Variants in MS4A6A observed in about 807,000 individuals in gnomAD.
MS4A6A encodes the protein membrane spanning 4-domains A6A.
Under a neutral mutation model 20.6 loss-of-function variants are expected in MS4A6A, and 19 were observed. The observed-to-expected ratio is 0.92, with a 90% CI of 0.64 to 1.36. The LOEUF (loss-of-function observed/expected upper bound fraction) is 1.36. Ranked by LOEUF, MS4A6A falls within the 40% of genes most tolerant of loss-of-function variation. The probability of loss-of-function intolerance (pLI) is 0.00; values close to 1 mark genes in which losing one functional copy is unlikely to be tolerated. For missense variants in MS4A6A, 272 were observed against 261.1 expected, an observed-to-expected ratio of 1.04 and a Z score of -0.29; for synonymous variants, 108 against 105.0, an observed-to-expected ratio of 1.03 and a Z score of -0.17.
upstream of MS4A6A, chr11:60,183,326 T>G (rs1306076541): frequency 1.4e-6 from 1 of 692,170 alleles, no homozygotes; most frequent in Non-Finnish European, 2.4e-6. Flanking sequence ...GCTTCAGTTT[T>G]CTAATCTGTT....
chr11:60,180,989 G>A (rs1590683115), intron 2 of MS4A6A: 1 of 451,920 alleles, frequency 2.2e-6, no homozygotes. Context: ...GATCACATAA[G>A]TGCAGAGGCA....
chr11:60,179,005 G>A (rs906299965), intron 3 of MS4A6A, among the ~76,000 whole-genome samples: 8 of 152,166 alleles, frequency 5.3e-5, no homozygotes, highest in Non-Finnish European at 1.2e-4. Flanking sequence ...TAGTAGCTTG[G>A]CATGGATCTT....
rs1857038006 is a variant in MS4A6A at position 60,179,833 on chromosome 11, A to C, written c.280T>G (p.Phe94Val). ...NSAYPFIGPF[F>V]FIISGSLSIA... ...CCCTCCTCAGAAACTCTACTCACAAAAAAGGGTCCTATGAATGGGTAAGCA... is the reference window on the plus strand; with the variant it reads ...CCCTCCTCAGAAACTCTACTCACAACAAAGGGTCCTATGAATGGGTAAGCA... The change falls in exon 3 of 6, where the codon TTT (phenylalanine) becomes GTT (valine). Residue 94 changes from phenylalanine to valine, a missense_variant and splice_region_variant. Coordinates refer to ENST00000528851, the MANE Select transcript of MS4A6A (RefSeq NM_022349.4). The C allele has an allele frequency of 6.2e-7, 1 of 1,614,108 alleles. No individual in the cohort carries two copies. The highest frequency in any genetic ancestry group is 8.5e-7 in the Non-Finnish European group (1 of 1,180,024).
chr11:60,172,494 G>A, downstream of MS4A6A: 1 of 1,223,538 alleles, frequency 8.2e-7, no homozygotes, highest in South Asian at 2.8e-5. Flanking sequence ...AAGTCCATAG[G>A]GGTTTGATTC....
intron 1 of MS4A6A, among the ~76,000 whole-genome samples, chr11:60,182,050 C>T (rs1274247111): frequency 2.6e-5 from 4 of 152,182 alleles, no homozygotes; most frequent in South Asian, 2.1e-4. Context: ...CCTCCCTTTC[C>T]TCTAGTCCTA....
chr11:60,172,826 A>C lies in MS4A6A; in HGVS notation c.*175T>G, dbSNP rs763181108. On this transcript the variant is annotated 3_prime_UTR_variant, in exon 6 of 6. Transcript: ENST00000528851. The stretch of plus-strand genomic sequence containing the variant: ...TGATTTCTCATGATTAACTATTTTC[A>C]TATCCAGTGAATTTTCAGCTTATCA... 2.2e-5 allele frequency: 31 copies of C among 1,402,328 alleles called. No individual in the cohort carries two copies. The highest frequency in any genetic ancestry group is 2.7e-5 in the Non-Finnish European group (29 of 1,074,878). The allele number at this position is 1,402,328 out of a possible 1,614,324, so 86.9% of individuals were successfully genotyped here. A position where few individuals can be genotyped will look rare whatever the true frequency, so the allele number is the denominator to read the frequency against.
intron 1 of MS4A6A, among the ~76,000 whole-genome samples, chr11:60,181,963 G>C (rs776948932): frequency 1.2e-4 from 19 of 152,106 alleles, no homozygotes; most frequent in Non-Finnish European, 2.5e-4. Flanking sequence ...CACATCACAG[G>C]GTGGCAGCAA....
intron 2 of MS4A6A, chr11:60,180,620 A>G (rs1207699364): frequency 6.1e-6 from 1 of 164,950 alleles, no homozygotes; most frequent in African/African-American, 2.4e-5. Context: ...TCCATTAGTT[A>G]TTTTTCCTGA....
chr11:60,180,615 T>C (rs935277204), intron 2 of MS4A6A: 5 of 165,508 alleles, frequency 3.0e-5, no homozygotes, highest in Admixed American at 3.0e-4. Flanking sequence ...TAGTATCCAT[T>C]AGTTATTTTT....
chr11:60,177,406 A>G (rs1856895473), intron 4 of MS4A6A: 1 of 152,184 alleles, frequency 6.6e-6, no homozygotes, highest in African/African-American at 2.4e-5. Flanking sequence ...ATAATCTCCA[A>G]CATCAACCCC....
intron 4 of MS4A6A, among the ~76,000 whole-genome samples, chr11:60,177,610 A>G (rs1856910605): frequency 6.6e-6 from 1 of 152,146 alleles, no homozygotes; most frequent in East Asian, 1.9e-4. Context: ...ATGACTAAGG[A>G]CAACTTTTTA....
At chr11:60,181,375 T>C (rs1320875541) in intron 2 of MS4A6A, 2 of 591,166 alleles carry the variant, frequency 3.4e-6, no homozygotes, top group Admixed American at 3.1e-5. Flanking sequence ...CAATTCCTCA[T>C]ATTCAGAATA....
At chr11:60,172,120 A>C, downstream of MS4A6A, 5 of 1,587,236 alleles carry the variant, frequency 3.2e-6, no homozygotes, top group Non-Finnish European at 4.3e-6. Flanking sequence ...ATATTATCAT[A>C]AGAATCAACT....
chr11:60,176,389 C>A (rs1213320109), intron 4 of MS4A6A, among the ~76,000 whole-genome samples: 1 of 152,174 alleles, frequency 6.6e-6, no homozygotes, highest in Non-Finnish European at 1.5e-5. Context: ...CTTGGGTAAT[C>A]AGTTCCTTGA....
chr11:60,172,624 T>A lies in MS4A6A; in HGVS notation c.*377A>T. 8.8e-7 allele frequency: 1 copy of A among 1,136,846 alleles called. No individual in the cohort carries two copies. The highest frequency in any genetic ancestry group is 1.1e-6 in the Non-Finnish European group (1 of 920,756). 70.4% of individuals were successfully genotyped at this position (1,136,846 alleles called of 1,614,324 possible). On this transcript the variant is annotated 3_prime_UTR_variant, in exon 6 of 6. Transcript: ENST00000528851. ...ACGTGTGTAAATGCCCTTTACCAAG[T>A]CAATACTATTAAAGAGACTAGTGGT...
intron 4 of MS4A6A, among the ~76,000 whole-genome samples, chr11:60,176,383 G>A (rs953311728): frequency 6.6e-6 from 1 of 152,116 alleles, no homozygotes; most frequent in Non-Finnish European, 1.5e-5. Context: ...TATTCCCTTG[G>A]GTAATCAGTT....
In MS4A6A at chr11:60,175,412, G is replaced by A. The variant is rs567739603; in HGVS notation, c.539C>T (p.Ala180Val). The A allele has an allele frequency of 6.2e-7, 1 of 1,611,384 alleles. No homozygotes were observed. Residue 180 changes from alanine to valine, a missense_variant, in exon 5 of 6, where the codon GCC (alanine) becomes GTC (valine). Coordinates refer to ENST00000528851, the MANE Select transcript of MS4A6A (RefSeq NM_022349.4). The part of the protein sequence containing the change: ...LYTTDCYTAK[A>V]SLAGTLSLML... ...TCTAAAAATACTTACAGCCAGACTG[G>A]CTTTGGCTGTATAGCAGTCCGTGGT...
intron 4 of MS4A6A, among the ~76,000 whole-genome samples, chr11:60,175,959 C>T (rs535193058): frequency 9.2e-5 from 14 of 152,274 alleles, no homozygotes; most frequent in South Asian, 8.3e-4. Context: ...AAGGTGGCAA[C>T]GTACCAGATG....
Position 60,173,106 on chromosome 11 carries a change from A to G in MS4A6A, c.573T>C (p.Ile191=). 6.2e-7 allele frequency: 1 copy of G among 1,614,016 alleles called. No homozygotes were observed. Among genetic ancestry groups the G allele is most frequent in the South Asian group, 1.1e-5 (1 of 91,080 alleles). Residue 191 remains isoleucine (I), a synonymous_variant, in exon 6 of 6, where the codon ATT becomes ATC. Coordinates refer to ENST00000528851, the MANE Select transcript of MS4A6A (RefSeq NM_022349.4). ...CTAGGCAGAATTCCAGCAGAGTGCA[A>G]ATCAGCATCAGAGAGAGAGTTCCCT... The part of the protein sequence containing the change: ...SLAGTLSLML[I]CTLLEFCLAV...
Sources: gnomAD v4.1 joint callset for allele counts (sites outside exome capture counted in the v4.1 genomes callset) on GRCh38, gnomAD v4.1.1 for gene constraint, MANE v1.5 for transcripts, NCBI Gene and HGNC (gene_info 2026-07-23, HGNC 2026-07-21) for gene names.